VWC2L: variants seen among roughly 807,000 people sequenced by gnomAD.
VWC2L encodes von Willebrand factor C domain containing 2 like.
In VWC2L, 10 loss-of-function variants were observed where a neutral mutation model predicts 21.6. The ratio of observed to expected loss-of-function variants is 0.46; its 90% confidence interval spans 0.29 to 0.78. The LOEUF is 0.78. Among genes scored for constraint, VWC2L ranks in the 30% least tolerant of loss-of-function variants. VWC2L has a pLI of 0.10. For synonymous variants in VWC2L, 96 were observed against 94.3 expected, an observed-to-expected ratio of 1.02 and a Z score of -0.10; for missense variants, 209 against 277.1, an observed-to-expected ratio of 0.75 and a Z score of 1.74.
At chr2:214,526,451 A>G (rs1007800360) in intron 3 of VWC2L, among the ~76,000 whole-genome samples, 3 of 152,222 alleles carry the variant, frequency 2.0e-5, no homozygotes, top group East Asian at 1.9e-4. Context: ...GTAGAATAAA[A>G]TAAGTGACAC....
chr2:214,570,499 G>C (rs958712274), intron 3 of VWC2L, among the ~76,000 whole-genome samples: 1 of 152,092 alleles, frequency 6.6e-6, no homozygotes, highest in Non-Finnish European at 1.5e-5. Flanking sequence ...AAGTAGCTGG[G>C]ACTGCAGGGG....
chr2:214,469,257 A>G (rs921289412), intron 3 of VWC2L, among the ~76,000 whole-genome samples: 21 of 152,342 alleles, frequency 1.4e-4, no homozygotes, highest in African/African-American at 4.1e-4. Context: ...ACGATCTTAT[A>G]TAAGAAGTTG....
In VWC2L at chr2:214,454,598, C is replaced by CTTTTTTTTTTTTTTT. The variant is rs34032234; in HGVS notation, c.520+17849_520+17863dup. Among the ~76,000 whole-genome samples, 13 of 64,142 alleles carry CTTTTTTTTTTTTTTT rather than the reference C, an allele frequency of 2.0e-4. 1 individual carries two copies. Among genetic ancestry groups the CTTTTTTTTTTTTTTT allele is most frequent in the East Asian group, 1.1e-3 (2 of 1,750 alleles). The allele number at this position is 64,142 out of a possible 152,430, so 42.1% of individuals were successfully genotyped here. A position where few individuals can be genotyped will look rare whatever the true frequency, so the allele number is the denominator to read the frequency against. On this transcript the variant is annotated intron_variant, in intron 3 of 3. Transcript: ENST00000312504. ...ATACTGAATTACATTGATTGATTTT[C>CTTTTTTTTTTTTTTT]TTTTTTTTTTTTTTTTTTTTTTTGA...
intron 3 of VWC2L, among the ~76,000 whole-genome samples, chr2:214,518,501 A>T (rs1186332179): frequency 2.6e-5 from 4 of 152,220 alleles, no homozygotes; most frequent in Non-Finnish European, 5.9e-5. Flanking sequence ...GGGGAGAACT[A>T]TGATAGATGC....
intron 3 of VWC2L, among the ~76,000 whole-genome samples, chr2:214,549,557 A>G (rs1222589078): frequency 6.6e-6 from 1 of 152,182 alleles, no homozygotes; most frequent in Non-Finnish European, 1.5e-5. Context: ...GGCGGATCAC[A>G]AGGTCGGCAG....
chr2:214,505,415 GT>G (rs932937862), intron 3 of VWC2L, among the ~76,000 whole-genome samples: 1 of 152,004 alleles, frequency 6.6e-6, no homozygotes, highest in African/African-American at 2.4e-5. Flanking sequence ...GCAGTTTTGG[GT>G]TTTTTTTAAT....
intron 1 of VWC2L, among the ~76,000 whole-genome samples, chr2:214,412,126 CAT>C (rs1193044268): frequency 6.6e-6 from 1 of 151,684 alleles, no homozygotes; most frequent in Non-Finnish European, 1.5e-5. Context: ...ATAATAAAAA[CAT>C]ATTTAATGTT....
intron 3 of VWC2L, among the ~76,000 whole-genome samples, chr2:214,541,132 T>C (rs1368277617): frequency 1.3e-5 from 2 of 152,190 alleles, no homozygotes; most frequent in Non-Finnish European, 2.9e-5. Context: ...AATGGTAGGA[T>C]GCTGTAAGAG....
At chr2:214,537,900 C>CATT (rs1689560932) in intron 3 of VWC2L, among the ~76,000 whole-genome samples, 1 of 54,704 alleles carries the variant, frequency 1.8e-5, no homozygotes, top group South Asian at 1.5e-3. Context: ...AGGATAGTGG[C>CATT]CTTTTTTTTT....
chr2:214,433,174 ATATATATATT>A (rs1410377350), intron 2 of VWC2L, among the ~76,000 whole-genome samples: 1 of 146,312 alleles, frequency 6.8e-6, no homozygotes, highest in African/African-American at 2.5e-5. Flanking sequence ...ATATATATAT[ATATATATATT>A]ATATATAAAT....
chr2:214,518,027 G>A (rs934676120), intron 3 of VWC2L, among the ~76,000 whole-genome samples: 11 of 152,130 alleles, frequency 7.2e-5, no homozygotes, highest in Non-Finnish European at 1.0e-4. Context: ...TTAGCCAGGC[G>A]TAGTGGCAGG....
chr2:214,426,871 A>C (rs1702531036), intron 2 of VWC2L, among the ~76,000 whole-genome samples: 3 of 152,210 alleles, frequency 2.0e-5, no homozygotes, highest in South Asian at 4.1e-4. Flanking sequence ...TTTTCACAGA[A>C]ATGTGGCACA....
At chr2:214,498,183 G>C (rs1688837965) in intron 3 of VWC2L, among the ~76,000 whole-genome samples, 1 of 152,090 alleles carries the variant, frequency 6.6e-6, no homozygotes, top group Non-Finnish European at 1.5e-5. Context: ...CCTTTGCATG[G>C]CACTAACTTG....
intron 3 of VWC2L, among the ~76,000 whole-genome samples, chr2:214,447,947 T>C (rs1428823674): frequency 6.6e-6 from 1 of 151,902 alleles, no homozygotes; most frequent in African/African-American, 2.4e-5. Flanking sequence ...CATGATGCCC[T>C]TTTTCCCTGC....
At chr2:214,490,222 A>G (rs959689056) in intron 3 of VWC2L, among the ~76,000 whole-genome samples, 2 of 152,200 alleles carry the variant, frequency 1.3e-5, no homozygotes, top group African/African-American at 2.4e-5. Context: ...TCCTTATATC[A>G]TCTCTCCTCT....
At chr2:214,426,507 A>G (rs1456368049) in intron 2 of VWC2L, among the ~76,000 whole-genome samples, 1 of 152,244 alleles carries the variant, frequency 6.6e-6, no homozygotes, top group African/African-American at 2.4e-5. Flanking sequence ...TAAAACAAAT[A>G]CCAATAATAG....
At chr2:214,565,908 G>T (rs1417562019) in intron 3 of VWC2L, among the ~76,000 whole-genome samples, 1 of 152,070 alleles carries the variant, frequency 6.6e-6, no homozygotes, top group Admixed American at 6.6e-5. Context: ...CCAGTAAATG[G>T]TAGGAGTAGA....
At chr2:214,475,782 T>A in intron 3 of VWC2L, among the ~76,000 whole-genome samples, 1 of 152,156 alleles carries the variant, frequency 6.6e-6, no homozygotes. Context: ...AACAAAAATG[T>A]TGACCTGTAG....
intron 3 of VWC2L, among the ~76,000 whole-genome samples, chr2:214,570,227 C>T (rs112855880): frequency 5.9e-5 from 9 of 152,326 alleles, no homozygotes; most frequent in African/African-American, 2.2e-4. Flanking sequence ...ACCAGAGCAA[C>T]TCTGCTGTTA....
Sources: gnomAD v4.1 joint callset for allele counts (sites outside exome capture counted in the v4.1 genomes callset) on GRCh38, gnomAD v4.1.1 for gene constraint, MANE v1.5 for transcripts, NCBI Gene and HGNC (gene_info 2026-07-23, HGNC 2026-07-21) for gene names.